The following CMC1 variants were observed in gnomAD, a reference collection of about 807,000 sequenced individuals.
CMC1 encodes COX assembly mitochondrial protein homolog.
CMC1 carries 14 observed loss-of-function variants against 14.1 expected under a neutral mutation model. That is an observed-to-expected ratio of 0.99 (90% CI 0.66 to 1.55). CMC1 has a LOEUF of 1.55. Among genes scored for constraint, CMC1 ranks in the 40% most tolerant of loss-of-function variants. The pLI is 0.00. For synonymous variants in CMC1, 50 were observed against 38.4 expected (o/e 1.30, Z -1.12); for missense variants, 127 against 123.8 (o/e 1.03, Z -0.12).
intron 2 of CMC1, chr3:28,292,804 G>C (rs1351992326): frequency 2.6e-5 from 4 of 152,154 alleles, no homozygotes; most frequent in African/African-American, 9.7e-5. Context: ...TGTGCTGTGA[G>C]CTCCTTGCAG....
Position 28,316,361 on chromosome 3 carries a change from AGT to A in CMC1, c.139_140del (p.Val47SerfsTer22), listed in dbSNP as rs1308986456. ...DFTKCCKNSG[V>X]LMVVKCRKEN... ...TTACCAAATGTTGCAAGAACTCTGGAGTTCTTATGGTAGTAAAATGCCGGAAA... is the reference window on the plus strand; with the variant it reads ...TTACCAAATGTTGCAAGAACTCTGGATCTTATGGTAGTAAAATGCCGGAAA... On this transcript the variant is annotated frameshift_variant, in exon 3 of 4. Coordinates refer to ENST00000466830, the MANE Select transcript of CMC1 (RefSeq NM_182523.2). LOFTEE classifies it high-confidence loss of function. The A allele has an allele frequency of 8.8e-6, 14 of 1,585,272 alleles. No homozygotes were observed. Among genetic ancestry groups the A allele is most frequent in the African/African-American group, 1.4e-5 (1 of 73,516 alleles).
intron 2 of CMC1, among the ~76,000 whole-genome samples, chr3:28,307,944 T>A (rs939256192): frequency 3.9e-5 from 6 of 152,194 alleles, no homozygotes; most frequent in African/African-American, 1.4e-4. Context: ...AGTATTCTCT[T>A]TTTTCCATCT....
intron 2 of CMC1, among the ~76,000 whole-genome samples, chr3:28,271,980 T>C (rs920106517): frequency 6.6e-6 from 1 of 152,160 alleles, no homozygotes; most frequent in Non-Finnish European, 1.5e-5. Context: ...ATTCTCTTTG[T>C]AGCAATTATG....
intron 2 of CMC1, chr3:28,294,429 T>A (rs1577064602): frequency 1.1e-6 from 1 of 930,416 alleles, no homozygotes; most frequent in Non-Finnish European, 1.3e-6. Context: ...TCTTTTACAA[T>A]ACAGGACAAG....
chr3:28,260,225 T>C (rs1462388312), intron 1 of CMC1, among the ~76,000 whole-genome samples: 1 of 152,094 alleles, frequency 6.6e-6, no homozygotes, highest in Non-Finnish European at 1.5e-5. Flanking sequence ...TGTTAATATT[T>C]TGTTGAGGAT....
At chr3:28,312,600 G>A (rs1165625886) in intron 2 of CMC1, among the ~76,000 whole-genome samples, 1 of 151,996 alleles carries the variant, frequency 6.6e-6, no homozygotes, top group Non-Finnish European at 1.5e-5. Context: ...AAGTATATCT[G>A]GAAGTTCCAT....
intron 2 of CMC1, among the ~76,000 whole-genome samples, chr3:28,277,248 C>T (rs1323421137): frequency 6.6e-6 from 1 of 152,164 alleles, no homozygotes; most frequent in African/African-American, 2.4e-5. Flanking sequence ...TATTTTAATA[C>T]ATTGGTTGTC....
chr3:28,319,401 A>T, intron 3 of CMC1, 108 bp from the exon 4 acceptor site: 1 of 1,000,904 alleles, frequency 1.0e-6, no homozygotes, highest in Middle Eastern at 2.1e-4. Context: ...GTACTTCTAA[A>T]GATTGAGCCT....
chr3:28,301,878 T>G (rs897410557), intron 2 of CMC1, among the ~76,000 whole-genome samples: 8 of 152,066 alleles, frequency 5.3e-5, no homozygotes, highest in South Asian at 2.1e-4. Context: ...CAGCCTATAG[T>G]ACTCCCATCC....
chr3:28,274,212 G>GTTTTTTTTGTTTTTTTTTTTTTTTT (rs376321066), intron 2 of CMC1, among the ~76,000 whole-genome samples: 1 of 88,200 alleles, frequency 1.1e-5, no homozygotes, highest in African/African-American at 4.8e-5. Flanking sequence ...AAGTGTTTTT[G>GTTTTTTTTGTTTTTTTTTTTTTTTT]TTTTTTTCTT....
At chr3:28,277,397 G>A (rs977688877) in intron 2 of CMC1, among the ~76,000 whole-genome samples, 4 of 152,060 alleles carry the variant, frequency 2.6e-5, no homozygotes, top group Admixed American at 2.0e-4. Context: ...AGCGTTATGT[G>A]GAATGTACTC....
At chr3:28,317,005 GT>G (rs1702958526) in intron 3 of CMC1, 1 of 151,990 alleles carries the variant, frequency 6.6e-6, no homozygotes, top group Admixed American at 6.6e-5. Flanking sequence ...ATTCACCCAT[GT>G]TCTATTGCCC....
At chr3:28,311,017 G>A (rs554224572) in intron 2 of CMC1, among the ~76,000 whole-genome samples, 26 of 152,324 alleles carry the variant, frequency 1.7e-4, no homozygotes, top group African/African-American at 5.3e-4. Context: ...TGTCCCGCCC[G>A]GTTCCTAACA....
intron 2 of CMC1, among the ~76,000 whole-genome samples, chr3:28,279,366 A>T (rs146672759): frequency 7.9e-5 from 12 of 152,346 alleles, no homozygotes; most frequent in African/African-American, 2.6e-4. Flanking sequence ...AAAATTATTC[A>T]GAAAAAACAG....
intron 2 of CMC1, among the ~76,000 whole-genome samples, chr3:28,303,858 C>A (rs982672231): frequency 6.6e-6 from 1 of 151,786 alleles, no homozygotes; most frequent in Non-Finnish European, 1.5e-5. Flanking sequence ...TTATTTTTTA[C>A]CTTAGTCTTT....
At chr3:28,296,118 C>A (rs898300904) in intron 2 of CMC1, among the ~76,000 whole-genome samples, 4 of 152,088 alleles carry the variant, frequency 2.6e-5, no homozygotes, top group Non-Finnish European at 5.9e-5. Flanking sequence ...GAATTACTCT[C>A]TTCCCCCAGC....
At chr3:28,279,505 A>G (rs1380479028) in intron 2 of CMC1, among the ~76,000 whole-genome samples, 1 of 152,200 alleles carries the variant, frequency 6.6e-6, no homozygotes, top group Non-Finnish European at 1.5e-5. Context: ...AAGATAACTC[A>G]TATGTTGCTA....
chr3:28,274,207 TTTTTGTTTTTTTC>T (rs1205921459), intron 2 of CMC1, among the ~76,000 whole-genome samples: 17 of 124,762 alleles, frequency 1.4e-4, no homozygotes, highest in Non-Finnish European at 2.1e-4. Context: ...TACTAAAGTG[TTTTTGTTTTTTTC>T]TTTTTTTTTT....
At chr3:28,286,797 C>T (rs1461960160) in intron 2 of CMC1, among the ~76,000 whole-genome samples, 1 of 152,014 alleles carries the variant, frequency 6.6e-6, no homozygotes, top group Non-Finnish European at 1.5e-5. Flanking sequence ...TCTAGGGGTT[C>T]AATTTTAACA....
Sources: gnomAD v4.1 joint callset for allele counts (sites outside exome capture counted in the v4.1 genomes callset) on GRCh38, gnomAD v4.1.1 for gene constraint, MANE v1.5 for transcripts, NCBI Gene and HGNC (gene_info 2026-07-23, HGNC 2026-07-21) for gene names.